Variants in CALCB observed in about 807,000 individuals in gnomAD.
CALCB encodes the protein calcitonin gene-related peptide 2.
CALCB carries 8 observed loss-of-function variants against 10.7 expected under a neutral mutation model. That is an observed-to-expected ratio of 0.75 (90% confidence interval 0.44 to 1.34). The LOEUF (loss-of-function observed/expected upper bound fraction) is 1.34. Among genes scored for constraint, CALCB ranks in the 40% most tolerant of loss-of-function variants. The pLI, the probability that CALCB is intolerant of heterozygous loss-of-function variation, is 0.01. For synonymous variants in CALCB, 76 were observed against 66.9 expected (o/e 1.14, Z -0.66); for missense variants, 176 against 162.5 (o/e 1.08, Z -0.45).
In CALCB at chr11:15,077,355, C is replaced by A; in HGVS notation, c.294C>A (p.Ser98Arg). 6.2e-7 allele frequency: 1 copy of A among 1,614,216 alleles called. No individual in the cohort carries two copies. The highest frequency in any genetic ancestry group is 8.5e-7 in the Non-Finnish European group (1 of 1,180,042). ...CTCATCGGCTGGCAGGCTTGCTGAG[C>A]AGATCAGGGGGCATGGTGAAGAGCA... ...CVTHRLAGLL[S>R]RSGGMVKSNF... Residue 98 changes from serine (S) to arginine (R), a missense_variant, in exon 4 of 5, where the codon AGC becomes AGA. Ser to Arg is a moderately radical substitution (Grantham distance 110). Coordinates refer to ENST00000324229, the MANE Select transcript of CALCB (RefSeq NM_000728.4).
At chr11:15,075,265 C>T (rs1850384187) in intron 3 of CALCB, 67 bp downstream of exon 3, 2 of 1,609,906 alleles carry the variant, frequency 1.2e-6, no homozygotes, top group Non-Finnish European at 1.7e-6. Context: ...AGGTGGATCC[C>T]AAGAGGCAGG....
At chr11:15,077,227 G>T (rs999253311) in intron 3 of CALCB, 59 bp from the exon 4 acceptor site, 24 of 1,580,364 alleles carry the variant, frequency 1.5e-5, no homozygotes, top group Non-Finnish European at 2.0e-5. Flanking sequence ...CTTCATGAAG[G>T]CTCCTCCCCC....
chr11:15,075,406 G>A (rs1167708972), intron 3 of CALCB, among the ~76,000 whole-genome samples: 1 of 152,196 alleles, frequency 6.6e-6, no homozygotes, highest in Non-Finnish European at 1.5e-5. Context: ...AAAAAGCTCC[G>A]TTTCTGAAAG....
chr11:15,077,724 A>G (rs1850408994), intron 4 of CALCB, among the ~76,000 whole-genome samples: 1 of 152,194 alleles, frequency 6.6e-6, no homozygotes, highest in African/African-American at 2.4e-5. Flanking sequence ...AGGTCTGCAA[A>G]CCTTAACCAG....
Position 15,074,752 on chromosome 11 carries a change from C to G in CALCB, c.34C>G (p.Leu12Val). ...GFRKFSPFLA[L>V]SILVLYQAGS... ...CCGGAAGTTCTCCCCCTTCCTGGCT[C>G]TCAGTATCTTGGTCCTGTACCAGGC... Residue 12 changes from leucine to valine, a missense_variant, in exon 2 of 5, where the codon CTC (leucine) becomes GTC (valine). Transcript: ENST00000324229. 6.2e-7 allele frequency: 1 copy of G among 1,614,188 alleles called. No individual in the cohort carries two copies. The highest frequency in any genetic ancestry group is 1.1e-5 in the South Asian group (1 of 91,086).
At chr11:15,075,227 G>C (rs747391028) in intron 3 of CALCB, 29 bp downstream of exon 3, 2 of 1,613,508 alleles carry the variant, frequency 1.2e-6, no homozygotes, top group South Asian at 2.2e-5. Context: ...CCAGCACAGG[G>C]ACTCCTCTCC....
intron 2 of CALCB, 78 bp downstream of exon 2, chr11:15,074,882 C>G: frequency 7.0e-7 from 1 of 1,418,962 alleles, no homozygotes; most frequent in Non-Finnish European, 9.8e-7. Context: ...TCTGAAGTCA[C>G]GCGTGGCTCC....
chr11:15,077,209 G>A, intron 3 of CALCB, 77 bp from the exon 4 acceptor site: 1 of 1,487,542 alleles, frequency 6.7e-7, no homozygotes, highest in South Asian at 1.2e-5. Flanking sequence ...TCGAAGTGTT[G>A]CAGTTCTCTT....
At position 15,073,624 on chromosome 11, in the gene CALCB, CG is replaced by C. The variant is rs1185860855; in HGVS notation, c.-48del. 1 of 152,240 alleles carries C rather than the reference CG, an allele frequency of 6.6e-6. No homozygotes were observed. The highest frequency in any genetic ancestry group is 1.5e-5 in the Non-Finnish European group (1 of 68,076). The allele number at this position is 152,240 out of a possible 1,614,324, so 9.4% of individuals were successfully genotyped here. A position where few individuals can be genotyped will look rare whatever the true frequency, so the allele number is the denominator to read the frequency against. ...AGCAGGTGTGGTGTTCATCCCGGGTCGACCGGCCGCTCGCGCTGCCCTGAAA... is the reference window on the plus strand; with the variant it reads ...AGCAGGTGTGGTGTTCATCCCGGGTCACCGGCCGCTCGCGCTGCCCTGAAA... On this transcript the variant is annotated 5_prime_UTR_variant, in exon 1 of 5. Coordinates refer to ENST00000324229, the MANE Select transcript of CALCB (RefSeq NM_000728.4).
chr11:15,075,850 C>G (rs988122938), intron 3 of CALCB, among the ~76,000 whole-genome samples: 2 of 152,182 alleles, frequency 1.3e-5, no homozygotes, highest in African/African-American at 4.8e-5. Context: ...CAGAGACCAA[C>G]CCCTGGCCTG....
intron 3 of CALCB, among the ~76,000 whole-genome samples, chr11:15,075,932 A>G (rs1490484176): frequency 6.6e-6 from 1 of 152,084 alleles, no homozygotes; most frequent in Non-Finnish European, 1.5e-5. Context: ...TTGAGCATGA[A>G]GGGCTGAACA....
intron 1 of CALCB, among the ~76,000 whole-genome samples, 192 bp downstream of exon 1, chr11:15,073,855 A>C (rs1057452311): frequency 1.3e-5 from 2 of 152,256 alleles, no homozygotes; most frequent in South Asian, 4.1e-4. Flanking sequence ...TTCTCCTACC[A>C]GTGCGAGAGG....
Position 15,077,402 on chromosome 11 carries a change from G to T in CALCB, c.341G>T (p.Gly114Val). 6.2e-7 allele frequency: 1 copy of T among 1,614,250 alleles called. No homozygotes were observed. Among genetic ancestry groups the T allele is most frequent in the South Asian group, 1.1e-5 (1 of 91,084 alleles). Residue 114 changes from glycine to valine, a missense_variant, in exon 4 of 5, where the codon GGT becomes GTT. Gly to Val is a moderately radical substitution (Grantham distance 109). Transcript: ENST00000324229. ...AGCAACTTCGTGCCCACCAATGTGG[G>T]TTCCAAAGCCTTTGGCAGGCGCCGC... ...VKSNFVPTNVGSKAFGRRRRD... is the reference protein window; with the variant it reads ...VKSNFVPTNVVSKAFGRRRRD...
intron 3 of CALCB, among the ~76,000 whole-genome samples, chr11:15,075,564 G>A (rs1287273830): frequency 6.6e-6 from 1 of 152,206 alleles, no homozygotes; most frequent in East Asian, 1.9e-4. Context: ...CATTGGATGA[G>A]TTAAGACTGG....
chr11:15,073,975 G>T (rs1233648489), intron 1 of CALCB, among the ~76,000 whole-genome samples: 2 of 152,260 alleles, frequency 1.3e-5, no homozygotes, highest in African/African-American at 4.8e-5. Flanking sequence ...ATTCTGCAGA[G>T]TTGGGTCCGG....
At chr11:15,077,178 CACTT>C (rs1850403050) in intron 3 of CALCB, 104 bp from the exon 4 acceptor site, 3 of 1,213,832 alleles carry the variant, frequency 2.5e-6, no homozygotes, top group Non-Finnish European at 3.5e-6. Flanking sequence ...TTTCGAGAAA[CACTT>C]ACTGTTAGGT....
At chr11:15,074,381 T>C (rs574081876) in intron 1 of CALCB, among the ~76,000 whole-genome samples, 6 of 152,350 alleles carry the variant, frequency 3.9e-5, no homozygotes, top group African/African-American at 7.2e-5. Flanking sequence ...GCAAGGTGCG[T>C]CCACGCCTGG....
rs1850367456 is a variant in CALCB, at chr11:15,073,615, A to C, written c.-58A>C. On this transcript the variant is annotated 5_prime_UTR_variant, in exon 1 of 5. Coordinates refer to ENST00000324229, the MANE Select transcript of CALCB (RefSeq NM_000728.4). ...GGCGCCCACAGCAGGTGTGGTGTTC[A>C]TCCCGGGTCGACCGGCCGCTCGCGC... The C allele has an allele frequency of 6.6e-6, 1 of 152,250 alleles. No individual in the cohort carries two copies. The highest frequency in any genetic ancestry group is 2.4e-5 in the African/African-American group (1 of 41,452). 9.4% of individuals were successfully genotyped at this position (152,250 alleles called of 1,614,324 possible). A position where few individuals can be genotyped will look rare whatever the true frequency, so the allele number is the denominator to read the frequency against.
chr11:15,074,804 G>C lies in CALCB; in HGVS notation c.86G>C (p.Arg29Thr). 6.2e-7 allele frequency: 1 copy of C among 1,612,794 alleles called. No homozygotes were observed. The highest frequency in any genetic ancestry group is 1.1e-5 in the South Asian group (1 of 90,926). Residue 29 changes from arginine to threonine, a missense_variant and splice_region_variant, in exon 2 of 5, where the codon AGG becomes ACG. By Grantham distance (71) the Arg-to-Thr change is moderately conservative (BLOSUM62 -1). Coordinates refer to ENST00000324229, the MANE Select transcript of CALCB (RefSeq NM_000728.4). ...QAGSLQAAPFRSALESSPDPA... is the reference protein window; with the variant it reads ...QAGSLQAAPFTSALESSPDPA... ...GGCAGCCTCCAGGCGGCGCCATTCAGGTGAGACAGCCTGGAGCCAGAGGCG... is the reference window on the plus strand; with the variant it reads ...GGCAGCCTCCAGGCGGCGCCATTCACGTGAGACAGCCTGGAGCCAGAGGCG...
Sources: allele counts gnomAD v4.1 joint callset (sites outside exome capture counted in the v4.1 genomes callset), GRCh38; gene constraint gnomAD v4.1.1; transcripts MANE v1.5; gene names NCBI Gene and HGNC (gene_info 2026-07-23, HGNC 2026-07-21).